The following CFAP20DC variants were observed in gnomAD, a reference collection of about 807,000 sequenced individuals.
CFAP20DC encodes the protein CFAP20 domain containing, also known as protein CFAP20DC.
In CFAP20DC, 84 loss-of-function variants were observed where a neutral mutation model predicts 101.7. The observed-to-expected ratio is 0.83, with a 90% CI of 0.69 to 0.99. The LOEUF is 0.99. Among genes scored for constraint, CFAP20DC ranks in the 50% least tolerant of loss-of-function variants. CFAP20DC has a pLI of 0.00. For missense variants in CFAP20DC, 1,007 were observed against 970.3 expected (o/e 1.04, Z -0.50); for synonymous variants, 359 against 351.2 (o/e 1.02, Z -0.25).
At chr3:58,847,683 C>G (rs1316218009) in intron 13 of CFAP20DC, among the ~76,000 whole-genome samples, 2 of 147,958 alleles carry the variant, frequency 1.4e-5, no homozygotes, top group Admixed American at 6.8e-5. Flanking sequence ...ACCCAAAGGA[C>G]TATAAATCAT....
rs1019300800 is a variant in CFAP20DC at position 59,049,864 on chromosome 3, G to A, written c.-233C>T. On this transcript the variant is annotated 5_prime_UTR_variant, in exon 1 of 17. Coordinates refer to ENST00000482387, the MANE Select transcript of CFAP20DC (RefSeq NM_001394063.1). ...CGGCTCCAGCCTCCGCGGTGCCCGG[G>A]TCTGGGGAGGGCGCAGCTGCCTGGA... The A allele has an allele frequency of 3.4e-6, 2 of 591,924 alleles. No individual in the cohort carries two copies. Among genetic ancestry groups the A allele is most frequent in the African/African-American group, 3.7e-5 (2 of 53,356 alleles). 36.7% of individuals were successfully genotyped at this position (591,924 alleles called of 1,614,324 possible). A position where few individuals can be genotyped will look rare whatever the true frequency, so the allele number is the denominator to read the frequency against.
chr3:58,808,680 C>T (rs1424882383), intron 14 of CFAP20DC, among the ~76,000 whole-genome samples: 2 of 152,170 alleles, frequency 1.3e-5, no homozygotes, highest in African/African-American at 4.8e-5. Flanking sequence ...AACCAGCTAA[C>T]ATCATAATGA....
downstream of CFAP20DC, among the ~76,000 whole-genome samples, chr3:58,739,707 C>T (rs895270791): frequency 3.3e-5 from 5 of 152,128 alleles, no homozygotes; most frequent in East Asian, 1.9e-4. Flanking sequence ...ACCTGGGCAT[C>T]GGTATTTTTA....
chr3:59,030,954 G>C (rs1053433890), intron 4 of CFAP20DC, among the ~76,000 whole-genome samples: 1 of 152,118 alleles, frequency 6.6e-6, no homozygotes, highest in African/African-American at 2.4e-5. Flanking sequence ...CTCCCGAGTA[G>C]CTGGGACTAC....
At chr3:58,777,060 A>T (rs954547828) in intron 15 of CFAP20DC, among the ~76,000 whole-genome samples, 4 of 120,032 alleles carry the variant, frequency 3.3e-5, no homozygotes, top group African/African-American at 8.6e-5. Context: ...TATTAAGATT[A>T]AAAAAAATAT....
At chr3:58,763,514 G>T (rs1303630232) in intron 15 of CFAP20DC, among the ~76,000 whole-genome samples, 1 of 151,514 alleles carries the variant, frequency 6.6e-6, no homozygotes, top group African/African-American at 2.4e-5. Flanking sequence ...TAGTTTGATT[G>T]TCTGAAGCCT....
intron 7 of CFAP20DC, among the ~76,000 whole-genome samples, chr3:58,880,754 T>C (rs2081171670): frequency 6.6e-6 from 1 of 152,140 alleles, no homozygotes. Flanking sequence ...TATTTCACAC[T>C]TAAAATTTTT....
chr3:58,754,340 C>T (rs995619932), intron 15 of CFAP20DC, among the ~76,000 whole-genome samples: 2 of 152,076 alleles, frequency 1.3e-5, no homozygotes, highest in Admixed American at 6.6e-5. Flanking sequence ...TCTCTTAACT[C>T]GGGGCTTTTG....
rs567555998 is a variant in CFAP20DC at position 58,774,708 on chromosome 3, T to C, written c.2238-20845A>G. Among the ~76,000 whole-genome samples the C allele has an allele frequency of 2.0e-4, 31 of 152,352 alleles. 1 individual carries two copies. The South Asian group carries it at 5.8e-3, about 28-fold the overall frequency. On this transcript the variant is annotated intron_variant, in intron 15 of 16. Transcript: ENST00000482387. ...ATGTGAAGTGCATCTATATACTGTA[T>C]GATGAGCAAATCAGAAAATTAAATC...
chr3:58,824,279 G>C (rs1575776408), intron 14 of CFAP20DC, among the ~76,000 whole-genome samples: 1 of 152,134 alleles, frequency 6.6e-6, no homozygotes, highest in Non-Finnish European at 1.5e-5. Flanking sequence ...TAAGGAGTCT[G>C]AAATGCCAAT....
chr3:58,950,004 T>C (rs567575756), intron 4 of CFAP20DC, among the ~76,000 whole-genome samples: 1 of 152,316 alleles, frequency 6.6e-6, no homozygotes, highest in South Asian at 2.1e-4. Flanking sequence ...GATGACATGA[T>C]TGTATATCTA....
intron 6 of CFAP20DC, among the ~76,000 whole-genome samples, chr3:58,902,011 A>G (rs922845444): frequency 1.3e-5 from 2 of 152,190 alleles, no homozygotes; most frequent in Admixed American, 1.3e-4. Context: ...GGAATCATAC[A>G]TTATGTGACC....
At chr3:58,978,148 G>C (rs1381997603) in intron 4 of CFAP20DC, among the ~76,000 whole-genome samples, 2 of 152,090 alleles carry the variant, frequency 1.3e-5, no homozygotes, top group African/African-American at 4.8e-5. Flanking sequence ...GCATCAGGCA[G>C]CTTCATTAGC....
At position 58,823,391 on chromosome 3, in the gene CFAP20DC, G is replaced by T. The variant is rs142029037; in HGVS notation, c.2175+8295C>A. 7.3e-3 allele frequency among the ~76,000 whole-genome samples: 1,104 copies of T among 152,182 alleles called. 13 individuals are homozygous for T. Among genetic ancestry groups the T allele is most frequent in the African/African-American group, 0.025 (1,031 of 41,540 alleles). On this transcript the variant is annotated intron_variant, in intron 14 of 16. Transcript: ENST00000482387. ...CATTCAGTCATACCTAGAGAATATCGTAAGTAGATGCAAAGGGATGACAAC... is the reference window on the plus strand; with the variant it reads ...CATTCAGTCATACCTAGAGAATATCTTAAGTAGATGCAAAGGGATGACAAC...
chr3:58,884,234 T>A (rs2081435057), intron 7 of CFAP20DC, among the ~76,000 whole-genome samples: 1 of 152,186 alleles, frequency 6.6e-6, no homozygotes, highest in Non-Finnish European at 1.5e-5. Flanking sequence ...TGCAATTTAA[T>A]GTACTATTTG....
intron 15 of CFAP20DC, among the ~76,000 whole-genome samples, chr3:58,780,018 A>G (rs2071678453): frequency 6.6e-6 from 1 of 152,154 alleles, no homozygotes; most frequent in Non-Finnish European, 1.5e-5. Context: ...TGGATTTCTC[A>G]GCAGAAACTT....
intron 13 of CFAP20DC, among the ~76,000 whole-genome samples, chr3:58,835,888 A>G (rs1019886357): frequency 6.6e-6 from 1 of 152,226 alleles, no homozygotes; most frequent in Non-Finnish European, 1.5e-5. Flanking sequence ...ACTACTGCTG[A>G]GAGGCAAAGT....
chr3:58,764,391 A>G (rs749621080), intron 15 of CFAP20DC, among the ~76,000 whole-genome samples: 2 of 152,130 alleles, frequency 1.3e-5, no homozygotes, highest in Non-Finnish European at 2.9e-5. Context: ...GGAAAAGCGC[A>G]GTATTAGGGT....
In CFAP20DC at chr3:58,869,522, T is replaced by C; in HGVS notation, c.853-32A>G. The C allele has an allele frequency of 1.3e-6, 2 of 1,487,890 alleles. No individual in the cohort carries two copies. Among genetic ancestry groups the C allele is most frequent in the South Asian group, 1.4e-5 (1 of 71,318 alleles). The allele number at this position is 1,487,890 out of a possible 1,614,324, so 92.2% of individuals were successfully genotyped here. A position where few individuals can be genotyped will look rare whatever the true frequency, so the allele number is the denominator to read the frequency against. On this transcript the variant is annotated intron_variant, in intron 8 of 16. Coordinates refer to ENST00000482387, the MANE Select transcript of CFAP20DC (RefSeq NM_001394063.1). This position sits in a 1 kb window ranked among gnomAD's most constrained non-coding sequence, Gnocchi z 4.3. ...AGGAATTAATCTGTACATTTTAAAATATAGCAACTACATTTGTTTTCTGTA... is the reference window on the plus strand; with the variant it reads ...AGGAATTAATCTGTACATTTTAAAACATAGCAACTACATTTGTTTTCTGTA...
Sources: allele counts gnomAD v4.1 joint callset (sites outside exome capture counted in the v4.1 genomes callset), GRCh38; gene constraint gnomAD v4.1.1; non-coding constraint Gnocchi (gnomAD v3.1); transcripts MANE v1.5; gene names NCBI Gene and HGNC (gene_info 2026-07-23, HGNC 2026-07-21).